Variants in KCNT2 observed in about 807,000 individuals in gnomAD.
The protein encoded by KCNT2 is potassium sodium-activated channel subfamily T member 2, also known as potassium channel subfamily T member 2.
Under a neutral mutation model 153.8 loss-of-function variants are expected in KCNT2, and 67 were observed. That is an observed-to-expected ratio of 0.44 (90% CI 0.36 to 0.53). The LOEUF is 0.53. KCNT2 is among the 20% of genes least tolerant of loss of function. The pLI is 0.00. For synonymous variants in KCNT2, 500 were observed against 458.8 expected, an observed-to-expected ratio of 1.09 and a Z score of -1.15; for missense variants, 975 against 1,354.8, an observed-to-expected ratio of 0.72 and a Z score of 4.40.
chr1:196,444,379 C>T (rs1323739782), intron 8 of KCNT2, among the ~76,000 whole-genome samples: 2 of 151,022 alleles, frequency 1.3e-5, no homozygotes, highest in Non-Finnish European at 3.0e-5. Context: ...TCCCTTTTTC[C>T]TTTTTTTAAG....
At chr1:196,365,702 A>T (rs1390783978) in intron 14 of KCNT2, among the ~76,000 whole-genome samples, 1 of 152,220 alleles carries the variant, frequency 6.6e-6, no homozygotes, top group African/African-American at 2.4e-5. Context: ...TCTGATTTAG[A>T]TATAAAATAC....
At chr1:196,370,652 G>A (rs1162400890) in intron 14 of KCNT2, among the ~76,000 whole-genome samples, 1 of 152,050 alleles carries the variant, frequency 6.6e-6, no homozygotes, top group Admixed American at 6.6e-5. Flanking sequence ...TATTCTGACA[G>A]TTCCTAAAGA....
At chr1:196,374,079 T>A (rs1668749816) in intron 13 of KCNT2, among the ~76,000 whole-genome samples, 1 of 151,882 alleles carries the variant, frequency 6.6e-6, no homozygotes, top group Admixed American at 6.6e-5. Context: ...TAAAAAGTGA[T>A]TAAATAGTGT....
chr1:196,344,055 T>C (rs1239136082), intron 14 of KCNT2, among the ~76,000 whole-genome samples: 2 of 152,160 alleles, frequency 1.3e-5, no homozygotes, highest in Non-Finnish European at 1.5e-5. Flanking sequence ...GCTGGGATTA[T>C]AGGTGTGAGC....
At chr1:196,409,922 C>A (rs543666067) in intron 12 of KCNT2, among the ~76,000 whole-genome samples, 29 of 151,652 alleles carry the variant, frequency 1.9e-4, no homozygotes, top group Non-Finnish European at 4.0e-4. Context: ...AACCAGTGCA[C>A]AAGGTTTTGA....
At chr1:196,341,646 G>A (rs1190241158) in intron 15 of KCNT2, among the ~76,000 whole-genome samples, 3 of 151,742 alleles carry the variant, frequency 2.0e-5, no homozygotes, top group South Asian at 4.2e-4. Flanking sequence ...GAATTGGAAG[G>A]TAGTTTTATT....
chr1:196,345,625 T>C (rs769650171), intron 14 of KCNT2, among the ~76,000 whole-genome samples: 14 of 152,322 alleles, frequency 9.2e-5, no homozygotes, highest in Non-Finnish European at 1.9e-4. Flanking sequence ...AAAATCCCTC[T>C]GGTCATTGTG....
At chr1:196,418,950 T>C (rs765305638) in intron 12 of KCNT2, among the ~76,000 whole-genome samples, 1 of 151,942 alleles carries the variant, frequency 6.6e-6, no homozygotes, top group African/African-American at 2.4e-5. Flanking sequence ...AGTTCTCCAC[T>C]CCTCACAATG....
chr1:196,477,676 A>G (rs569983317), intron 5 of KCNT2, among the ~76,000 whole-genome samples: 94 of 152,308 alleles, frequency 6.2e-4, no homozygotes, highest in African/African-American at 2.1e-3. Flanking sequence ...GATAGAGTAG[A>G]TGAAAAGGCT....
chr1:196,312,070 C>T (rs531745302), intron 21 of KCNT2, among the ~76,000 whole-genome samples: 88 of 151,934 alleles, frequency 5.8e-4, no homozygotes, highest in Admixed American at 2.6e-3. Flanking sequence ...TGAGGACTTG[C>T]TTTTCTTTCA....
chr1:196,350,326 G>A (rs1260628891), intron 14 of KCNT2, among the ~76,000 whole-genome samples: 2 of 152,178 alleles, frequency 1.3e-5, no homozygotes, highest in East Asian at 1.9e-4. Context: ...CCCACCAACA[G>A]TGTAAAAGTG....
At chr1:196,293,356 G>C (rs1183686348) in intron 22 of KCNT2, among the ~76,000 whole-genome samples, 4 of 151,116 alleles carry the variant, frequency 2.6e-5, no homozygotes, top group Admixed American at 6.6e-5. Context: ...CAAAACAAAA[G>C]AAAAAACAAA....
At chr1:196,592,102 T>A (rs1194451676) in intron 1 of KCNT2, among the ~76,000 whole-genome samples, 2 of 152,034 alleles carry the variant, frequency 1.3e-5, no homozygotes, top group African/African-American at 4.8e-5. Context: ...GGCACAAGAT[T>A]TGGAAGCAAC....
At chr1:196,349,581 A>T (rs757341078) in intron 14 of KCNT2, among the ~76,000 whole-genome samples, 1 of 151,996 alleles carries the variant, frequency 6.6e-6, no homozygotes, top group Non-Finnish European at 1.5e-5. Context: ...ACTCTTCCTT[A>T]TTTCCTAGCG....
At chr1:196,376,873 G>T (rs1013143398) in intron 13 of KCNT2, among the ~76,000 whole-genome samples, 1 of 151,962 alleles carries the variant, frequency 6.6e-6, no homozygotes, top group Non-Finnish European at 1.5e-5. Flanking sequence ...TGTCACAAGT[G>T]TAATCGAAGA....
At chr1:196,237,116 T>A (rs979617615) in intron 26 of KCNT2, among the ~76,000 whole-genome samples, 1 of 151,712 alleles carries the variant, frequency 6.6e-6, no homozygotes, top group South Asian at 2.1e-4. Context: ...CTATAGTATT[T>A]AGTGCATACT....
chr1:196,460,963 A>G (rs1312248593), intron 8 of KCNT2, among the ~76,000 whole-genome samples: 2 of 151,770 alleles, frequency 1.3e-5, no homozygotes, highest in Admixed American at 6.6e-5. Flanking sequence ...GAAAGTTGTT[A>G]GTCAATTGCC....
At chr1:196,285,861 G>T in intron 22 of KCNT2, 103 bp from the exon 23 acceptor site, 2 of 678,570 alleles carry the variant, frequency 2.9e-6, no homozygotes, top group Non-Finnish European at 5.4e-6. Context: ...CTCATCATAT[G>T]GTTCTTAGCT....
intron 25 of KCNT2, among the ~76,000 whole-genome samples, chr1:196,271,245 A>T (rs1005734478): frequency 1.3e-5 from 2 of 152,036 alleles, no homozygotes; most frequent in Non-Finnish European, 2.9e-5. Flanking sequence ...TATGGATCTA[A>T]ATATACCACT....
Sources: allele counts gnomAD v4.1 joint callset (sites outside exome capture counted in the v4.1 genomes callset), GRCh38; gene constraint gnomAD v4.1.1; transcripts MANE v1.5; gene names NCBI Gene and HGNC (gene_info 2026-07-23, HGNC 2026-07-21).